The following ADD2 variants were observed in gnomAD, a reference collection of about 807,000 sequenced individuals.
ADD2 encodes beta-adducin.
Under a neutral mutation model 83.0 loss-of-function variants are expected in ADD2, and 23 were observed. That is an observed-to-expected ratio of 0.28 (90% CI 0.20 to 0.39). The LOEUF is 0.39. ADD2 is among the 10% of genes least tolerant of loss of function. ADD2 has a pLI of 1.00. For missense variants in ADD2, 758 were observed against 944.9 expected, an observed-to-expected ratio of 0.80 and a Z score of 2.59; for synonymous variants, 375 against 375.4, an observed-to-expected ratio of 1.00 and a Z score of 0.01.
At chr2:70,690,491 A>C (rs1670971450) in intron 8 of ADD2, among the ~76,000 whole-genome samples, 1 of 152,228 alleles carries the variant, frequency 6.6e-6, no homozygotes, top group African/African-American at 2.4e-5. Flanking sequence ...TTGTGCTATA[A>C]TTTAATTAAA....
intron 1 of ADD2, among the ~76,000 whole-genome samples, chr2:70,745,301 G>T (rs1199697684): frequency 6.6e-6 from 1 of 151,648 alleles, no homozygotes; most frequent in Non-Finnish European, 1.5e-5. Flanking sequence ...AAAAAAAAAA[G>T]AAGATTTCAA....
chr2:70,672,918 C>T lies in ADD2; in HGVS notation c.1830G>A (p.Glu610=). The T allele has an allele frequency of 6.2e-7, 1 of 1,613,578 alleles. No homozygotes were observed. Among genetic ancestry groups the T allele is most frequent in the East Asian group, 2.2e-5 (1 of 44,872 alleles). Residue 610 remains glutamate (E), a synonymous_variant, in exon 15 of 16, where the codon GAG becomes GAA. Transcript: ENST00000264436. ...AAGGAGAGACTAAAGGGCTCTTTGT[C>T]TCTGCCTCCTTCGCTGGGCTCTGCA... ...SPVQSPAKEA[E]TKSPLVSPSK...
chr2:70,735,322 G>A (rs189161250), intron 1 of ADD2, among the ~76,000 whole-genome samples: 60 of 152,214 alleles, frequency 3.9e-4, no homozygotes, highest in Admixed American at 9.8e-4. Flanking sequence ...TGACTCCTCA[G>A]CTACTTGGAC....
In ADD2 at chr2:70,706,534, C is replaced by T; in HGVS notation, c.-34-92G>A. The T allele has an allele frequency of 8.5e-7, 1 of 1,174,996 alleles. No individual in the cohort carries two copies. The highest frequency in any genetic ancestry group is 1.2e-6 in the Non-Finnish European group (1 of 850,604). 72.8% of individuals were successfully genotyped at this position (1,174,996 alleles called of 1,614,324 possible). A position where few individuals can be genotyped will look rare whatever the true frequency, so the allele number is the denominator to read the frequency against. On this transcript the variant is annotated intron_variant, in intron 2 of 15. Transcript: ENST00000264436. The surrounding 1 kb of genome is among the most constrained non-coding windows in gnomAD (Gnocchi z 5.0). ...GCACAGGGCTAGGTTCAGTTGGATT[C>T]TCAGTGGGGTACGGCTGTTCCTAGG... is the stretch of plus-strand genomic sequence containing the variant.
At chr2:70,673,996 C>A (rs1553367701) in intron 14 of ADD2, among the ~76,000 whole-genome samples, 1 of 152,086 alleles carries the variant, frequency 6.6e-6, no homozygotes, top group African/African-American at 2.4e-5. Flanking sequence ...TCAGTCTAGC[C>A]CAGTGGACAC....
chr2:70,734,156 G>A (rs190138547), intron 1 of ADD2, among the ~76,000 whole-genome samples: 326 of 152,212 alleles, frequency 2.1e-3, no homozygotes, highest in Admixed American at 2.7e-3. Context: ...ACCAACCATC[G>A]GGTGGGTGCA....
At chr2:70,730,371 A>G (rs3771426) in intron 1 of ADD2, among the ~76,000 whole-genome samples, 22,423 of 152,264 alleles carry the variant, frequency 0.15, 1,754 homozygotes, top group East Asian at 0.29. Context: ...ATGGGCCAAA[A>G]TTAGTCACAC....
Position 70,706,169 on chromosome 2 carries a change from C to A in ADD2, c.183+57G>T. 6.3e-7 allele frequency: 1 copy of A among 1,574,804 alleles called. No individual in the cohort carries two copies. Among genetic ancestry groups the A allele is most frequent in the Non-Finnish European group, 8.7e-7 (1 of 1,152,518 alleles). On this transcript the variant is annotated intron_variant, in intron 3 of 15. Transcript: ENST00000264436. The surrounding 1 kb of genome is among the most constrained non-coding windows in gnomAD (Gnocchi z 5.0). The stretch of plus-strand genomic sequence containing the variant: ...GTTACTCATCTTTCGGGTGGGTACA[C>A]GTCCTGAAGAGCCAGCGCCCCCTGC...
In ADD2 at chr2:70,706,458, G is replaced by A; in HGVS notation, c.-34-16C>T. 1.9e-6 allele frequency: 3 copies of A among 1,561,168 alleles called. No homozygotes were observed. Among genetic ancestry groups the A allele is most frequent in the Non-Finnish European group, 2.6e-6 (3 of 1,156,088 alleles). Reference sequence around the variant, plus strand: ...TCCTGGAACTCTACAGAGAAGGGGAGAGGGTATGCGGTCAGGTTGGTGCTC... The same window carrying A: ...TCCTGGAACTCTACAGAGAAGGGGAAAGGGTATGCGGTCAGGTTGGTGCTC... On this transcript the variant is annotated splice_polypyrimidine_tract_variant and intron_variant, in intron 2 of 15. Transcript: ENST00000264436. This position sits in a 1 kb window ranked among gnomAD's most constrained non-coding sequence, Gnocchi z 5.0.
chr2:70,667,512 T>C (rs1291710953), intron 15 of ADD2, among the ~76,000 whole-genome samples: 2 of 152,208 alleles, frequency 1.3e-5, no homozygotes, highest in Non-Finnish European at 2.9e-5. Context: ...TGGCCACCAA[T>C]GAACATGTGG....
At chr2:70,689,409 G>A (rs1423618473) in intron 8 of ADD2, among the ~76,000 whole-genome samples, 4 of 152,230 alleles carry the variant, frequency 2.6e-5, no homozygotes, top group African/African-American at 9.6e-5. Flanking sequence ...AAGCCTGATG[G>A]CTCTAAACAT....
intron 13 of ADD2, 154 bp from the exon 14 acceptor site, chr2:70,674,979 G>T: frequency 7.4e-7 from 1 of 1,349,420 alleles, no homozygotes; most frequent in South Asian, 1.8e-5. Context: ...CTTGGGGTAG[G>T]GATTGTTCTT....
At chr2:70,679,723 T>C (rs1480824350) in intron 10 of ADD2, among the ~76,000 whole-genome samples, 1 of 152,180 alleles carries the variant, frequency 6.6e-6, no homozygotes, top group East Asian at 1.9e-4. Flanking sequence ...AAAACGGAAT[T>C]TTATGCAAAC....
chr2:70,678,971 A>G lies in ADD2; in HGVS notation c.1126-10T>C. The G allele has an allele frequency of 6.3e-7, 1 of 1,596,986 alleles. No homozygotes were observed. The highest frequency in any genetic ancestry group is 8.5e-7 in the Non-Finnish European group (1 of 1,171,706). Reference sequence around the variant, plus strand: ...AACCTGTTCTGTAGCCCTATAAAGGACAAAAATAGAACCACTTATGGGGTG... The same window carrying G: ...AACCTGTTCTGTAGCCCTATAAAGGGCAAAAATAGAACCACTTATGGGGTG... On this transcript the variant is annotated splice_polypyrimidine_tract_variant and intron_variant, in intron 10 of 15. Transcript: ENST00000264436.
chr2:70,703,373 GA>G (rs782346893), intron 4 of ADD2, among the ~76,000 whole-genome samples: 2 of 152,138 alleles, frequency 1.3e-5, no homozygotes, highest in African/African-American at 2.4e-5. Context: ...TCAGGAGGAT[GA>G]AACAAATGGT....
At chr2:70,753,073 CA>C (rs1224765595) in intron 1 of ADD2, among the ~76,000 whole-genome samples, 1 of 152,126 alleles carries the variant, frequency 6.6e-6, no homozygotes, top group African/African-American at 2.4e-5. Context: ...TGGTGCAGGG[CA>C]AAGCTCTCTC....
At chr2:70,673,971 T>TGGTGGAA (rs1553367691) in intron 14 of ADD2, among the ~76,000 whole-genome samples, 5 of 152,176 alleles carry the variant, frequency 3.3e-5, no homozygotes, top group Non-Finnish European at 7.3e-5. Flanking sequence ...AAGAAGACCC[T>TGGTGGAA]GCCTTGAGGG....
rs1675440166 is a variant in ADD2 at position 70,658,704 on chromosome 2, A to G, written c.*4721T>C. 6.6e-6 allele frequency: 1 copy of G among 152,214 alleles called. No homozygotes were observed. Among genetic ancestry groups the G allele is most frequent in the Non-Finnish European group, 1.5e-5 (1 of 68,046 alleles). 9.4% of individuals were successfully genotyped at this position (152,214 alleles called of 1,614,324 possible). A position where few individuals can be genotyped will look rare whatever the true frequency, so the allele number is the denominator to read the frequency against. ...AAAAAGACCTGTTTCCTCTATGCTC[A>G]GTCAACTGCGACTGTGCCAACCAAC... is the stretch of plus-strand genomic sequence containing the variant. On this transcript the variant is annotated 3_prime_UTR_variant, in exon 16 of 16. Coordinates refer to ENST00000264436, the MANE Select transcript of ADD2 (RefSeq NM_001617.4).
intron 1 of ADD2, among the ~76,000 whole-genome samples, chr2:70,746,457 T>G (rs1553381993): frequency 6.6e-6 from 1 of 152,200 alleles, no homozygotes; most frequent in Non-Finnish European, 1.5e-5. Flanking sequence ...AGGCACTAAC[T>G]CCAAGCATTA....
Sources: gnomAD v4.1 joint callset for allele counts (sites outside exome capture counted in the v4.1 genomes callset) on GRCh38, gnomAD v4.1.1 for gene constraint, Gnocchi (gnomAD v3.1) non-coding constraint, MANE v1.5 for transcripts, NCBI Gene and HGNC (gene_info 2026-07-23, HGNC 2026-07-21) for gene names.